LRRC2: variants seen among roughly 807,000 people sequenced by gnomAD.
LRRC2 encodes the protein leucine-rich repeat-containing protein 2.
LRRC2 carries 27 observed loss-of-function variants against 40.2 expected under a neutral mutation model. The ratio of observed to expected loss-of-function variants is 0.67; its 90% CI spans 0.49 to 0.93. The LOEUF is 0.93. Ranked by LOEUF, LRRC2 falls within the 40% of genes least tolerant of loss-of-function variation. The pLI, the probability that LRRC2 is intolerant of heterozygous loss-of-function variation, is 0.00. For missense variants in LRRC2, 402 were observed against 439.6 expected, an observed-to-expected ratio of 0.91 and a Z score of 0.76; for synonymous variants, 147 against 158.9, an observed-to-expected ratio of 0.92 and a Z score of 0.56.
At chr3:46,552,887 T>C (rs1704694384) in intron 1 of LRRC2, among the ~76,000 whole-genome samples, 1 of 152,202 alleles carries the variant, frequency 6.6e-6, no homozygotes, top group South Asian at 2.1e-4. Context: ...CTTGGGTACA[T>C]TTTGGCCATC....
At position 46,518,834 on chromosome 3, in the gene LRRC2, A is replaced by G. The variant is rs1446415749; in HGVS notation, c.*180T>C. On this transcript the variant is annotated 3_prime_UTR_variant, in exon 9 of 9. Transcript: ENST00000395905. ...ATACAAACCAATTTTTCAATTCTCC[A>G]GTCCATGGAGGGAGATACTCATGTA... 3 of 528,614 alleles carry G rather than the reference A, an allele frequency of 5.7e-6. No individual in the cohort carries two copies. The highest frequency in any genetic ancestry group is 1.0e-5 in the Non-Finnish European group (3 of 298,184). 32.7% of individuals were successfully genotyped at this position (528,614 alleles called of 1,614,324 possible). A position where few individuals can be genotyped will look rare whatever the true frequency, so the allele number is the denominator to read the frequency against.
intron 7 of LRRC2, among the ~76,000 whole-genome samples, chr3:46,526,244 T>G (rs1285165686): frequency 6.6e-6 from 1 of 152,268 alleles, no homozygotes; most frequent in Non-Finnish European, 1.5e-5. Context: ...TCTATTCTTT[T>G]TATTGAAATT....
At chr3:46,543,456 A>G (rs890623955) in intron 3 of LRRC2, among the ~76,000 whole-genome samples, 1 of 151,994 alleles carries the variant, frequency 6.6e-6, no homozygotes, top group Non-Finnish European at 1.5e-5. Context: ...CTCTACTAAA[A>G]ATACAAAAAT....
intron 2 of LRRC2, among the ~76,000 whole-genome samples, chr3:46,547,102 T>G (rs1704542533): frequency 6.6e-6 from 1 of 152,236 alleles, no homozygotes. Context: ...CTTAGATTTC[T>G]GCAGGGCTGG....
intron 7 of LRRC2, among the ~76,000 whole-genome samples, chr3:46,522,900 A>C (rs572281255): frequency 6.6e-6 from 1 of 152,230 alleles, no homozygotes; most frequent in African/African-American, 2.4e-5. Flanking sequence ...TAATTATTTC[A>C]ATTCAAAACA....
intron 7 of LRRC2, among the ~76,000 whole-genome samples, chr3:46,523,708 C>A (rs1175691950): frequency 6.6e-6 from 1 of 151,238 alleles, no homozygotes; most frequent in Non-Finnish European, 1.5e-5. Flanking sequence ...TCCACCCATC[C>A]ATCTACCCAT....
chr3:46,554,375 G>A (rs1704739656), intron 1 of LRRC2, among the ~76,000 whole-genome samples: 1 of 152,136 alleles, frequency 6.6e-6, no homozygotes, highest in East Asian at 1.9e-4. Context: ...GCCAGGTGCA[G>A]TGGCTCATGC....
chr3:46,565,026 G>A (rs1705028125), intron 1 of LRRC2, among the ~76,000 whole-genome samples: 1 of 152,352 alleles, frequency 6.6e-6, no homozygotes. Context: ...TGATAGAAAC[G>A]GGGGTAAATA....
At chr3:46,527,025 T>C (rs1169522289) in intron 7 of LRRC2, among the ~76,000 whole-genome samples, 1 of 152,204 alleles carries the variant, frequency 6.6e-6, no homozygotes, top group East Asian at 1.9e-4. Flanking sequence ...TTTGCATGGA[T>C]GGTTTTTCTT....
At chr3:46,544,524 G>A (rs1422229853) in intron 3 of LRRC2, among the ~76,000 whole-genome samples, 1 of 152,172 alleles carries the variant, frequency 6.6e-6, no homozygotes, top group Non-Finnish European at 1.5e-5. Flanking sequence ...AGAGATGGAC[G>A]GAGGGTCCCA....
At position 46,543,391 on chromosome 3, in the gene LRRC2, C is replaced by T. The variant is rs991818346; in HGVS notation, c.333+1655G>A. Among the ~76,000 whole-genome samples, 6 of 152,002 alleles carry T rather than the reference C, an allele frequency of 3.9e-5. No individual in the cohort carries two copies. The East Asian group carries it at 5.8e-4, about 15-fold the overall frequency. On this transcript the variant is annotated intron_variant, in intron 3 of 8. Transcript: ENST00000395905. ...CAGCACTTTGGGAGGCCGAGGCGGGCGGATCACGAGGTCAGGAGATCGAGA... is the reference window on the plus strand; with the variant it reads ...CAGCACTTTGGGAGGCCGAGGCGGGTGGATCACGAGGTCAGGAGATCGAGA...
In LRRC2 at chr3:46,518,588, C is replaced by T. The variant is rs1048198506; in HGVS notation, c.*426G>A. ...TGCTGGCCAAACCAGCCTCGAACTC[C>T]GGACCTCAGGTGATCCACCCACTTC... is the stretch of plus-strand genomic sequence containing the variant. On this transcript the variant is annotated 3_prime_UTR_variant, in exon 9 of 9. Coordinates refer to ENST00000395905, the MANE Select transcript of LRRC2 (RefSeq NM_024512.5). 5 of 153,298 alleles carry T rather than the reference C, an allele frequency of 3.3e-5. No homozygotes were observed. The highest frequency in any genetic ancestry group is 6.5e-5 in the Admixed American group (1 of 15,288). 9.5% of individuals were successfully genotyped at this position (153,298 alleles called of 1,614,324 possible). A position where few individuals can be genotyped will look rare whatever the true frequency, so the allele number is the denominator to read the frequency against.
chr3:46,533,961 G>A (rs1704218846), intron 4 of LRRC2, among the ~76,000 whole-genome samples: 1 of 147,460 alleles, frequency 6.8e-6, no homozygotes, highest in Non-Finnish European at 1.5e-5. Context: ...TGCAGAACAT[G>A]CAGGTTTCTT....
chr3:46,519,205 G>C, intron 8 of LRRC2, 142 bp from the exon 9 acceptor site: 1 of 643,690 alleles, frequency 1.6e-6, no homozygotes, highest in Non-Finnish European at 2.8e-6. Context: ...ATACTGTATA[G>C]GTGATAAATA....
chr3:46,540,946 T>C (rs1704373561), intron 3 of LRRC2, among the ~76,000 whole-genome samples: 1 of 152,202 alleles, frequency 6.6e-6, no homozygotes, highest in Admixed American at 6.5e-5. Flanking sequence ...ACTGACTGTC[T>C]CATAAATAAC....
Position 46,521,632 on chromosome 3 carries a change from A to G in LRRC2, c.956T>C (p.Ile319Thr), listed in dbSNP as rs1703966124. The change falls in exon 8 of 9, where the codon ATT (isoleucine) becomes ACT (threonine). Residue 319 changes from isoleucine (I) to threonine (T), a missense_variant. By Grantham distance (89) the Ile-to-Thr change is moderately conservative (BLOSUM62 -1). Transcript: ENST00000395905. ...GCCATCTTCACATTGGGCATTATCA[A>G]TAGGATTGTCCATAAGGCTTACAAA... is the stretch of plus-strand genomic sequence containing the variant. ...LKFVSLMDNPIDNAQCEDGNE... is the reference protein window; with the variant it reads ...LKFVSLMDNPTDNAQCEDGNE... The G allele has an allele frequency of 1.2e-6, 2 of 1,612,782 alleles. No homozygotes were observed. Among genetic ancestry groups the G allele is most frequent in the Non-Finnish European group, 1.7e-6 (2 of 1,179,794 alleles).
chr3:46,554,418 G>A (rs1704740514), intron 1 of LRRC2, among the ~76,000 whole-genome samples: 1 of 152,010 alleles, frequency 6.6e-6, no homozygotes, highest in Non-Finnish European at 1.5e-5. Flanking sequence ...GGCAGAGGTG[G>A]GCAGATCATG....
chr3:46,550,114 T>C (rs1704611700), intron 2 of LRRC2, among the ~76,000 whole-genome samples: 1 of 152,184 alleles, frequency 6.6e-6, no homozygotes, highest in African/African-American at 2.4e-5. Context: ...GAAAAGACGT[T>C]CTAACTACCT....
At position 46,565,542 on chromosome 3, in the gene LRRC2, C is replaced by T. The variant is rs945989242; in HGVS notation, c.-20+635G>A. 1.8e-4 allele frequency among the ~76,000 whole-genome samples: 27 copies of T among 152,302 alleles called. No homozygotes were observed. In the Middle Eastern group the frequency reaches 0.01, roughly 58 times the overall value. On this transcript the variant is annotated intron_variant, in intron 1 of 8. Coordinates refer to ENST00000395905, the MANE Select transcript of LRRC2 (RefSeq NM_024512.5). Reference sequence around the variant, plus strand: ...TTTTTCCTCCACCTGGCATGATTAGCAGAGGTTCTTTGGGTGAATAATGGG... The same window carrying T: ...TTTTTCCTCCACCTGGCATGATTAGTAGAGGTTCTTTGGGTGAATAATGGG...
Sources: gnomAD v4.1 joint callset for allele counts (sites outside exome capture counted in the v4.1 genomes callset) on GRCh38, gnomAD v4.1.1 for gene constraint, MANE v1.5 for transcripts, NCBI Gene and HGNC (gene_info 2026-07-23, HGNC 2026-07-21) for gene names.